The following RORB variants were observed in gnomAD, a reference collection of about 807,000 sequenced individuals.
RORB encodes nuclear receptor ROR-beta.
RORB carries 6 observed loss-of-function variants against 59.1 expected under a neutral mutation model. The ratio of observed to expected loss-of-function variants is 0.10; its 90% CI spans 0.06 to 0.20. The LOEUF is 0.20. Among genes scored for constraint, RORB ranks in the 10% least tolerant of loss-of-function variants. The probability of loss-of-function intolerance (pLI) is 1.00; values close to 1 mark genes in which losing one functional copy is unlikely to be tolerated. For missense variants in RORB, 320 were observed against 560.5 expected, an observed-to-expected ratio of 0.57 and a Z score of 4.33; for synonymous variants, 215 against 204.5, an observed-to-expected ratio of 1.05 and a Z score of -0.44.
intron 5 of RORB, 81 bp from the exon 6 acceptor site, chr9:74,662,393 C>A (rs1421621982): frequency 7.2e-7 from 1 of 1,397,546 alleles, no homozygotes; most frequent in African/African-American, 1.4e-5. Context: ...CAGATAAGCA[C>A]CAGTAAGGCA....
intron 1 of RORB, among the ~76,000 whole-genome samples, chr9:74,621,986 C>T (rs796471885): frequency 5.9e-5 from 9 of 152,242 alleles, no homozygotes; most frequent in African/African-American, 2.2e-4. Context: ...TCTCTCAGTC[C>T]TGACGTCTCT....
At chr9:74,545,648 C>A (rs990087099) in intron 1 of RORB, among the ~76,000 whole-genome samples, 1 of 152,168 alleles carries the variant, frequency 6.6e-6, no homozygotes, top group Admixed American at 6.5e-5. Context: ...GAAAACTAAT[C>A]TGATTAGGCT....
intron 4 of RORB, 74 bp from the exon 5 acceptor site, chr9:74,660,543 T>A (rs954812022): frequency 7.1e-7 from 1 of 1,402,744 alleles, no homozygotes; most frequent in East Asian, 2.4e-5. Context: ...GGCATTCTTA[T>A]AGTAAACACA....
At chr9:74,656,596 T>C (rs7032646) in intron 4 of RORB, among the ~76,000 whole-genome samples, 150,069 of 152,206 alleles carry the variant, frequency 0.99, 74,017 homozygotes, top group Middle Eastern at 1. Flanking sequence ...ATTAGCCAGG[T>C]GTGGTGGTAC....
At chr9:74,635,135 A>T (rs746266654) in intron 3 of RORB, among the ~76,000 whole-genome samples, 1 of 152,148 alleles carries the variant, frequency 6.6e-6, no homozygotes, top group Non-Finnish European at 1.5e-5. Context: ...GCAAACCAGG[A>T]CCACATCTGA....
intron 6 of RORB, 48 bp downstream of exon 6, chr9:74,662,654 C>A: frequency 1.3e-6 from 2 of 1,597,082 alleles, no homozygotes; most frequent in South Asian, 2.2e-5. Context: ...AGGATGTGGT[C>A]AGCCCTTAGC....
rs1415693884 is a variant in RORB, at chr9:74,667,856, G to A, written c.1066G>A (p.Glu356Lys). The change falls in exon 8 of 10, where the codon GAG (glutamate) becomes AAG (lysine). Residue 356 changes from glutamate (E) to lysine (K), a missense_variant. Around this residue, in one of 4 missense-constraint regions of RORB, gnomAD observed 109 missense variants for 171.0 expected, o/e 0.64. Transcript: ENST00000376896. ...GAATTTGTGTTCCTTGCAGCTGACC[G>A]AGGAGGAGATCGCTTTGTTCTCATC... Reference protein sequence around the residue: ...AKNLCSLQLTEEEIALFSSAV... With the variant: ...AKNLCSLQLTKEEIALFSSAV... 2 of 1,613,612 alleles carry A rather than the reference G, an allele frequency of 1.2e-6. No homozygotes were observed. Among genetic ancestry groups the A allele is most frequent in the South Asian group, 1.1e-5 (1 of 91,060 alleles).
chr9:74,601,353 G>T (rs1362915392), intron 1 of RORB, among the ~76,000 whole-genome samples: 1 of 144,070 alleles, frequency 6.9e-6, no homozygotes, highest in Non-Finnish European at 1.5e-5. Flanking sequence ...ATTTAATTTT[G>T]CATAGAGAAT....
intron 1 of RORB, among the ~76,000 whole-genome samples, chr9:74,562,861 AC>A (rs1822416164): frequency 6.6e-6 from 1 of 152,186 alleles, no homozygotes; most frequent in African/African-American, 2.4e-5. Flanking sequence ...CCAATTATTA[AC>A]ACTTTATCAC....
chr9:74,638,726 T>C (rs1029544625), intron 3 of RORB, among the ~76,000 whole-genome samples: 2 of 152,244 alleles, frequency 1.3e-5, no homozygotes, highest in African/African-American at 4.8e-5. Flanking sequence ...GTAGGTTTAT[T>C]TTTGCCATGT....
At chr9:74,526,065 G>T (rs1826152305) in intron 1 of RORB, among the ~76,000 whole-genome samples, 1 of 151,736 alleles carries the variant, frequency 6.6e-6, no homozygotes, top group Non-Finnish European at 1.5e-5. Flanking sequence ...AACCAAAATG[G>T]GCTATCAAAA....
chr9:74,529,447 G>A (rs1826202323), intron 1 of RORB, among the ~76,000 whole-genome samples: 1 of 151,658 alleles, frequency 6.6e-6, no homozygotes, highest in African/African-American at 2.4e-5. Flanking sequence ...TAGGATCACT[G>A]CATATTTCTC....
chr9:74,516,663 G>C (rs1480231971), intron 1 of RORB, among the ~76,000 whole-genome samples: 2 of 151,996 alleles, frequency 1.3e-5, no homozygotes, highest in East Asian at 3.9e-4. Context: ...CTGGGGACTT[G>C]GTTTGGCATT....
At chr9:74,577,932 C>T (rs1011862573) in intron 1 of RORB, among the ~76,000 whole-genome samples, 1 of 152,130 alleles carries the variant, frequency 6.6e-6, no homozygotes, top group Non-Finnish European at 1.5e-5. Flanking sequence ...TCTCGGGCCC[C>T]AACTCAAAGA....
intron 1 of RORB, among the ~76,000 whole-genome samples, chr9:74,584,738 A>G (rs1405122184): frequency 6.6e-6 from 1 of 152,222 alleles, no homozygotes; most frequent in Non-Finnish European, 1.5e-5. Context: ...TTGGAAATAC[A>G]TCATTGGTAA....
chr9:74,616,338 C>T (rs913043690), intron 1 of RORB, among the ~76,000 whole-genome samples: 1 of 152,092 alleles, frequency 6.6e-6, no homozygotes, highest in Non-Finnish European at 1.5e-5. Context: ...ATAATTGTTT[C>T]AAATAATATA....
At chr9:74,593,523 TA>T (rs1241684289) in intron 1 of RORB, among the ~76,000 whole-genome samples, 1 of 149,430 alleles carries the variant, frequency 6.7e-6, no homozygotes, top group African/African-American at 2.5e-5. Context: ...CCAAAATAGG[TA>T]GCAAAGTTCA....
At chr9:74,567,330 A>G (rs1484616236) in intron 1 of RORB, among the ~76,000 whole-genome samples, 1 of 152,146 alleles carries the variant, frequency 6.6e-6, no homozygotes, top group African/African-American at 2.4e-5. Context: ...TCTGGTCGGA[A>G]TGCCCTCTAC....
At position 74,688,072 on chromosome 9, in the gene RORB, A is replaced by T. The variant is rs1041783719; in HGVS notation, c.*2454A>T. ...TCAGAATTTTTTCCTCCCTTTTCCC[A>T]TGGGTGATATAGGAAAAAGATTGTT... On this transcript the variant is annotated 3_prime_UTR_variant, in exon 10 of 10. Transcript: ENST00000376896. The T allele has an allele frequency of 2.0e-5, 3 of 152,068 alleles. No homozygotes were observed. The highest frequency in any genetic ancestry group is 1.3e-4 in the Admixed American group (2 of 15,272). 9.4% of individuals were successfully genotyped at this position (152,068 alleles called of 1,614,324 possible). A position where few individuals can be genotyped will look rare whatever the true frequency, so the allele number is the denominator to read the frequency against.
Sources: gnomAD v4.1 joint callset for allele counts (sites outside exome capture counted in the v4.1 genomes callset) on GRCh38, gnomAD v4.1.1 for gene constraint, gnomAD v4.1.1 regional missense constraint, MANE v1.5 for transcripts, NCBI Gene and HGNC (gene_info 2026-07-23, HGNC 2026-07-21) for gene names.